The following KIAA1217 variants were observed in gnomAD, a reference collection of about 807,000 sequenced individuals.
KIAA1217 encodes the protein KIAA1217.
A neutral mutation model predicts 163.9 loss-of-function variants in KIAA1217; 88 were observed. The ratio of observed to expected loss-of-function variants is 0.54; its 90% CI spans 0.45 to 0.64. The LOEUF is 0.64. Among genes scored for constraint, KIAA1217 ranks in the 30% least tolerant of loss-of-function variants. The pLI, the probability that KIAA1217 is intolerant of heterozygous loss-of-function variation, is 0.00. For missense variants in KIAA1217, 2,372 were observed against 2,475.0 expected (o/e 0.96, Z 0.88); for synonymous variants, 903 against 923.1 (o/e 0.98, Z 0.39).
intron 1 of KIAA1217, among the ~76,000 whole-genome samples, chr10:23,771,527 C>A (rs1490010760): frequency 6.6e-6 from 1 of 152,152 alleles, no homozygotes; most frequent in Non-Finnish European, 1.5e-5. Context: ...GATATAGTAT[C>A]CCTGGCCACT....
chr10:24,374,958 A>G (rs1240418262), intron 2 of KIAA1217, among the ~76,000 whole-genome samples: 1 of 151,844 alleles, frequency 6.6e-6, no homozygotes, highest in Non-Finnish European at 1.5e-5. Context: ...CTAATTTTTT[A>G]ATTTTTTGTA....
At chr10:23,709,330 C>A (rs990515828) in intron 1 of KIAA1217, among the ~76,000 whole-genome samples, 1 of 152,008 alleles carries the variant, frequency 6.6e-6, no homozygotes, top group African/African-American at 2.4e-5. Flanking sequence ...TTAAGACCAG[C>A]CTGGGCAAGA....
rs368687361 is a variant in KIAA1217 at position 24,076,079 on chromosome 10, G to A, written c.-171+68705G>A. ...CTTGGGGGGAGTAGGGCCTCTGAGGGCCTGATGAACAACCTGTGGGACCTA... is the reference window on the plus strand; with the variant it reads ...CTTGGGGGGAGTAGGGCCTCTGAGGACCTGATGAACAACCTGTGGGACCTA... On this transcript the variant is annotated intron_variant, in intron 2 of 18. Transcript: ENST00000376462. 1.3e-4 allele frequency among the ~76,000 whole-genome samples: 20 copies of A among 152,242 alleles called. No individual in the cohort carries two copies. The East Asian group carries it at 2.7e-3, about 21-fold the overall frequency.
chr10:23,821,174 T>G (rs1837606778), intron 1 of KIAA1217, among the ~76,000 whole-genome samples: 1 of 151,986 alleles, frequency 6.6e-6, no homozygotes, highest in Non-Finnish European at 1.5e-5. Flanking sequence ...GCAGTGTATT[T>G]ATTGCAAGCA....
At chr10:24,219,136 T>G (rs1392305248) in intron 1 of KIAA1217, among the ~76,000 whole-genome samples, 5 of 152,088 alleles carry the variant, frequency 3.3e-5, no homozygotes, top group Non-Finnish European at 2.9e-5. Context: ...TGAGACAGGG[T>G]CTCACAACTG....
chr10:24,129,527 ATT>A (rs1270624064), intron 2 of KIAA1217, among the ~76,000 whole-genome samples: 2 of 152,172 alleles, frequency 1.3e-5, no homozygotes, highest in African/African-American at 4.8e-5. Flanking sequence ...ATAATCATTA[ATT>A]TTTAACTCTA....
chr10:23,703,773 T>C (rs1032249433), intron 1 of KIAA1217, among the ~76,000 whole-genome samples: 2 of 150,460 alleles, frequency 1.3e-5, no homozygotes, highest in African/African-American at 5.0e-5. Flanking sequence ...AAATAAAAGG[T>C]ATAGATCAGG....
chr10:24,014,810 T>C (rs1320368509), intron 2 of KIAA1217, among the ~76,000 whole-genome samples: 2 of 152,130 alleles, frequency 1.3e-5, no homozygotes, highest in African/African-American at 4.8e-5. Context: ...AAAATCATTT[T>C]GAGGGCTGAG....
chr10:24,495,210 T>C lies in KIAA1217; in HGVS notation c.1834+14T>C, dbSNP rs73604495. 2.5e-3 allele frequency: 4,003 copies of C among 1,609,934 alleles called. 75 individuals are homozygous for C. The African/African-American group carries it at 0.046, about 18-fold the overall frequency. The stretch of plus-strand genomic sequence containing the variant: ...CAGATAGTGCAGGTAAGTAAGTGTT[T>C]TTGGAGCTGTAGGAGGCCTGTGGGC... On this transcript the variant is annotated intron_variant, in intron 8 of 20. Transcript: ENST00000376454.
intron 1 of KIAA1217, among the ~76,000 whole-genome samples, chr10:23,760,527 A>G (rs1834204633): frequency 6.6e-6 from 1 of 152,250 alleles, no homozygotes; most frequent in Non-Finnish European, 1.5e-5. Flanking sequence ...TAGCAGTCGC[A>G]GTAGCACATC....
chr10:24,247,990 T>C (rs1204295469), intron 2 of KIAA1217, among the ~76,000 whole-genome samples: 1 of 152,222 alleles, frequency 6.6e-6, no homozygotes, highest in Non-Finnish European at 1.5e-5. Context: ...GTGGCCTGTG[T>C]TCTTTCAAGG....
At chr10:23,854,560 G>A (rs1839543437) in intron 1 of KIAA1217, among the ~76,000 whole-genome samples, 1 of 152,214 alleles carries the variant, frequency 6.6e-6, no homozygotes, top group Middle Eastern at 3.4e-3. Flanking sequence ...TTCAATTCCT[G>A]GGTATCCTTG....
intron 2 of KIAA1217, among the ~76,000 whole-genome samples, chr10:24,086,766 G>A (rs1002017049): frequency 1.3e-5 from 2 of 152,146 alleles, no homozygotes; most frequent in African/African-American, 2.4e-5. Context: ...AGGAGTGGGA[G>A]GGAGATCATT....
rs902338584 is a variant in KIAA1217 at position 23,695,972 on chromosome 10, C to T, written c.-321+738C>T. Reference sequence around the variant, plus strand: ...GGCCGGCCTTCCGGCTGGCTGCCCTCCCCGCTCGCCGCTCTCCCCGCGCCG... The same window carrying T: ...GGCCGGCCTTCCGGCTGGCTGCCCTTCCCGCTCGCCGCTCTCCCCGCGCCG... On this transcript the variant is annotated intron_variant, in intron 1 of 18. Transcript: ENST00000376462. The surrounding 1 kb of genome is among the most constrained non-coding windows in gnomAD (Gnocchi z 4.9). Among the ~76,000 whole-genome samples, 1 of 152,194 alleles carries T rather than the reference C, an allele frequency of 6.6e-6. No individual in the cohort carries two copies. The highest frequency in any genetic ancestry group is 2.4e-5 in the African/African-American group (1 of 41,444).
At chr10:24,489,735 A>G (rs11014108) in intron 6 of KIAA1217, among the ~76,000 whole-genome samples, 37,521 of 151,426 alleles carry the variant, frequency 0.25, 5,349 homozygotes, top group South Asian at 0.38. Flanking sequence ...GTGGTGGTGC[A>G]TGCCTGTGGT....
At chr10:23,946,345 A>G (rs1308637412) in intron 1 of KIAA1217, among the ~76,000 whole-genome samples, 1 of 141,706 alleles carries the variant, frequency 7.1e-6, no homozygotes, top group East Asian at 1.9e-4. Context: ...GGCATATAGG[A>G]AAAAAAAAAG....
chr10:24,268,924 T>C (rs1191087270), intron 2 of KIAA1217, among the ~76,000 whole-genome samples: 54 of 143,710 alleles, frequency 3.8e-4, no homozygotes, highest in Non-Finnish European at 6.5e-4. Flanking sequence ...ATGGATGAAA[T>C]TGGAAATCAT....
chr10:24,428,918 A>G (rs961002585), intron 3 of KIAA1217, among the ~76,000 whole-genome samples: 1 of 152,130 alleles, frequency 6.6e-6, no homozygotes, highest in South Asian at 2.1e-4. Flanking sequence ...AGAGAAACTG[A>G]TCATAAGCAA....
chr10:23,705,122 G>T (rs1329385234), intron 1 of KIAA1217, among the ~76,000 whole-genome samples: 2 of 152,072 alleles, frequency 1.3e-5, no homozygotes, highest in Admixed American at 6.6e-5. Context: ...CAAATTCATT[G>T]TCAACTTTTA....
Sources: gnomAD v4.1 joint callset for allele counts (sites outside exome capture counted in the v4.1 genomes callset) on GRCh38, gnomAD v4.1.1 for gene constraint, Gnocchi (gnomAD v3.1) non-coding constraint, MANE v1.5 for transcripts, NCBI Gene and HGNC (gene_info 2026-07-23, HGNC 2026-07-21) for gene names.